The following CTNNA3 variants were observed in gnomAD, a reference collection of about 807,000 sequenced individuals.
The protein encoded by CTNNA3 is catenin alpha-3.
Under a neutral mutation model 95.7 loss-of-function variants are expected in CTNNA3, and 76 were observed. The observed-to-expected ratio is 0.79, with a 90% CI of 0.66 to 0.96. The LOEUF (loss-of-function observed/expected upper bound fraction) is 0.96. Among genes scored for constraint, CTNNA3 ranks in the 40% least tolerant of loss-of-function variants. CTNNA3 has a pLI of 0.00. For synonymous variants in CTNNA3, 431 were observed against 374.4 expected, an observed-to-expected ratio of 1.15 and a Z score of -1.74; for missense variants, 1,191 against 1,089.8, an observed-to-expected ratio of 1.09 and a Z score of -1.31.
At chr10:66,998,559 C>G (rs1203077759) in intron 7 of CTNNA3, among the ~76,000 whole-genome samples, 4 of 151,734 alleles carry the variant, frequency 2.6e-5, no homozygotes, top group Non-Finnish European at 5.9e-5. Flanking sequence ...TGAAGAATGA[C>G]AATGAACAGA....
intron 14 of CTNNA3, among the ~76,000 whole-genome samples, chr10:66,096,659 G>C (rs2081402623): frequency 6.6e-6 from 1 of 151,462 alleles, no homozygotes; most frequent in Non-Finnish European, 1.5e-5. Flanking sequence ...TAGTAGCTGG[G>C]ATTACAGGCA....
At chr10:66,796,715 AAG>A (rs1841207329) in intron 7 of CTNNA3, among the ~76,000 whole-genome samples, 3 of 152,054 alleles carry the variant, frequency 2.0e-5, no homozygotes. Context: ...GCAAATCTAA[AAG>A]AGAGCAGTCA....
chr10:66,272,771 C>T (rs762422247), intron 13 of CTNNA3, among the ~76,000 whole-genome samples: 6 of 152,008 alleles, frequency 3.9e-5, no homozygotes, highest in Non-Finnish European at 8.8e-5. Context: ...ATTTGTAATC[C>T]CAATAATCTT....
chr10:67,211,454 A>G (rs556018763), intron 6 of CTNNA3, among the ~76,000 whole-genome samples: 4 of 152,184 alleles, frequency 2.6e-5, no homozygotes, highest in Non-Finnish European at 5.9e-5. Context: ...TTATTTAATC[A>G]TCAAGATAAA....
chr10:66,340,928 A>G (rs918354827), intron 12 of CTNNA3, among the ~76,000 whole-genome samples: 14 of 152,014 alleles, frequency 9.2e-5, no homozygotes, highest in South Asian at 2.1e-4. Flanking sequence ...TGTCTCTATA[A>G]TGTATTTTTA....
Position 66,092,828 on chromosome 10 carries a change from GC to G in CTNNA3, c.1977+10328del, listed in dbSNP as rs559021956. On this transcript the variant is annotated intron_variant, in intron 14 of 17. Coordinates refer to ENST00000433211, the MANE Select transcript of CTNNA3 (RefSeq NM_013266.4). ...TAATTGTTGCAAAAATATACTTGATGCCTATACCTTCCCTCACTCTAAAATA... is the reference window on the plus strand; with the variant it reads ...TAATTGTTGCAAAAATATACTTGATGCTATACCTTCCCTCACTCTAAAATA... Among the ~76,000 whole-genome samples, 147 of 152,004 alleles carry G rather than the reference GC, an allele frequency of 9.7e-4. 1 individual carries two copies. Among genetic ancestry groups the G allele is most frequent in the African/African-American group, 3.2e-3 (133 of 41,534 alleles).
chr10:66,276,372 A>G lies in CTNNA3; in HGVS notation c.1884+4098T>C, dbSNP rs553213114. Among the ~76,000 whole-genome samples the G allele has an allele frequency of 3.3e-5, 5 of 152,234 alleles. No homozygotes were observed. The East Asian group carries it at 7.7e-4, about 24-fold the overall frequency. On this transcript the variant is annotated intron_variant, in intron 13 of 17. Transcript: ENST00000433211. ...TTGTTTCTTTTTGTGAGGATACTTC[A>G]CTGCGGGCCACTTATACTACCCTCT...
chr10:66,147,424 A>G (rs1052061913), intron 13 of CTNNA3, among the ~76,000 whole-genome samples: 3 of 152,080 alleles, frequency 2.0e-5, no homozygotes, highest in Non-Finnish European at 4.4e-5. Flanking sequence ...TATAATCAAA[A>G]TGATATGATA....
At chr10:66,979,575 C>G (rs1850292013) in intron 7 of CTNNA3, among the ~76,000 whole-genome samples, 5 of 152,072 alleles carry the variant, frequency 3.3e-5, no homozygotes, top group Admixed American at 3.3e-4. Context: ...GCCATGCGAC[C>G]TGGAAGAATT....
chr10:66,510,495 A>G (rs1840615981), intron 11 of CTNNA3, among the ~76,000 whole-genome samples: 1 of 151,886 alleles, frequency 6.6e-6, no homozygotes, highest in Non-Finnish European at 1.5e-5. Context: ...AAAAGCTTCC[A>G]GTATTTCTTC....
At chr10:66,902,232 C>A (rs1423765091) in intron 7 of CTNNA3, among the ~76,000 whole-genome samples, 2 of 152,190 alleles carry the variant, frequency 1.3e-5, no homozygotes, top group Admixed American at 6.5e-5. Flanking sequence ...GAAACTCACT[C>A]AAAACCACAC....
intron 7 of CTNNA3, among the ~76,000 whole-genome samples, chr10:67,163,582 TC>T: frequency 6.6e-6 from 1 of 152,154 alleles, no homozygotes; most frequent in African/African-American, 2.4e-5. Context: ...ATATCAGCTC[TC>T]ACCACACTTA....
chr10:67,237,634 T>C (rs1453069533), intron 5 of CTNNA3, among the ~76,000 whole-genome samples: 1 of 151,686 alleles, frequency 6.6e-6, no homozygotes, highest in East Asian at 1.9e-4. Context: ...CAAAAGAGCA[T>C]GTGGAAAGGT....
chr10:66,199,781 ATATATATATATATATATATATATATT>A (rs2087218941), intron 13 of CTNNA3, among the ~76,000 whole-genome samples: 3 of 38,100 alleles, frequency 7.9e-5, no homozygotes, highest in Non-Finnish European at 1.3e-4. Flanking sequence ...ATATATATAT[ATATATATATATATATATATATATATT>A]TTTTTTTTTT....
At chr10:66,813,170 C>T (rs1841948162) in intron 7 of CTNNA3, among the ~76,000 whole-genome samples, 1 of 152,128 alleles carries the variant, frequency 6.6e-6, no homozygotes, top group South Asian at 2.1e-4. Context: ...ATTTGCTTAT[C>T]TTCTGAGAGA....
intron 14 of CTNNA3, among the ~76,000 whole-genome samples, chr10:66,092,085 A>G (rs2081234101): frequency 1.3e-5 from 2 of 151,838 alleles, no homozygotes; most frequent in Non-Finnish European, 2.9e-5. Context: ...TTCTGAAGCC[A>G]AAACCTTGAG....
chr10:66,232,703 C>G (rs574193007), intron 13 of CTNNA3, among the ~76,000 whole-genome samples: 7 of 152,132 alleles, frequency 4.6e-5, no homozygotes, highest in African/African-American at 1.4e-4. Flanking sequence ...TATCCAGGAG[C>G]AGAAATAGTG....
At chr10:66,618,952 A>G (rs1025692101) in intron 10 of CTNNA3, among the ~76,000 whole-genome samples, 14 of 152,216 alleles carry the variant, frequency 9.2e-5, no homozygotes, top group African/African-American at 2.9e-4. Context: ...CAACAGACAC[A>G]TGAAAAAATG....
intron 7 of CTNNA3, chr10:67,099,909 G>A (rs571918735): frequency 6.6e-6 from 1 of 151,450 alleles, no homozygotes; most frequent in South Asian, 2.1e-4. Context: ...ATTTATAAAG[G>A]GTTATAAAGC....
Sources: gnomAD v4.1 joint callset for allele counts (sites outside exome capture counted in the v4.1 genomes callset) on GRCh38, gnomAD v4.1.1 for gene constraint, MANE v1.5 for transcripts, NCBI Gene and HGNC (gene_info 2026-07-23, HGNC 2026-07-21) for gene names.